Variants in SRGAP3 observed in about 807,000 individuals in gnomAD.
SRGAP3 encodes the protein SLIT-ROBO Rho GTPase-activating protein 3.
SRGAP3 carries 39 observed loss-of-function variants against 121.1 expected under a neutral mutation model. That is an observed-to-expected ratio of 0.32 (90% CI 0.25 to 0.42). The LOEUF (loss-of-function observed/expected upper bound fraction) is 0.42, where lower values mean the gene tolerates loss of function less well. Ranked by LOEUF, SRGAP3 falls within the 10% of genes least tolerant of loss-of-function variation. The pLI, the probability that SRGAP3 is intolerant of heterozygous loss-of-function variation, is 1.00. For missense variants in SRGAP3, 1,213 were observed against 1,470.6 expected (o/e 0.82, Z 2.86); for synonymous variants, 601 against 570.0 (o/e 1.05, Z -0.77).
chr3:9,147,263 T>C (rs565846153), intron 1 of SRGAP3, among the ~76,000 whole-genome samples: 1 of 152,164 alleles, frequency 6.6e-6, no homozygotes, highest in Non-Finnish European at 1.5e-5. Flanking sequence ...TGATTTCTTC[T>C]ACTGTAGAGG....
rs149061770 is a variant in SRGAP3 at position 9,011,095 on chromosome 3, GT to G, written c.2148-709del. Among the ~76,000 whole-genome samples, 1,133 of 152,214 alleles carry G rather than the reference GT, an allele frequency of 7.4e-3. 3 individuals are homozygous for G. The highest frequency in any genetic ancestry group is 0.026 in the African/African-American group (1,076 of 41,512). ...TTCTAATATGCCAGGCAGTGTGCTG[GT>G]AGGAGGGATGCAATGATAGATAAGG... On this transcript the variant is annotated intron_variant, in intron 17 of 21. Coordinates refer to ENST00000383836, the MANE Select transcript of SRGAP3 (RefSeq NM_014850.4).
At chr3:9,014,474 C>T (rs1943534362) in intron 15 of SRGAP3, among the ~76,000 whole-genome samples, 1 of 152,202 alleles carries the variant, frequency 6.6e-6, no homozygotes, top group Admixed American at 6.5e-5. Flanking sequence ...CAAAGTCTGG[C>T]AGATGCTTGG....
At chr3:9,156,777 G>A (rs927791435) in intron 1 of SRGAP3, among the ~76,000 whole-genome samples, 1 of 152,156 alleles carries the variant, frequency 6.6e-6, no homozygotes, top group Non-Finnish European at 1.5e-5. Context: ...ATCTAGTAAC[G>A]TATTTCCCAA....
intron 4 of SRGAP3, among the ~76,000 whole-genome samples, chr3:9,074,459 C>A (rs534075628): frequency 6.6e-6 from 1 of 152,350 alleles, no homozygotes; most frequent in East Asian, 1.9e-4. Flanking sequence ...GCTCTTCCAG[C>A]ACGCAGGGCT....
chr3:9,174,313 C>T lies in SRGAP3; in HGVS notation c.68-49396G>A, dbSNP rs755144960. Among the ~76,000 whole-genome samples, 9 of 152,048 alleles carry T rather than the reference C, an allele frequency of 5.9e-5. No homozygotes were observed. The South Asian group carries it at 6.2e-4, about 11-fold the overall frequency. On this transcript the variant is annotated intron_variant, in intron 1 of 21. Coordinates refer to ENST00000383836, the MANE Select transcript of SRGAP3 (RefSeq NM_014850.4). ...ATATATCTAATGCCACTGAACTGTA[C>T]GTTGTAAAATGGTTAAGATGGTACA...
chr3:9,215,973 C>A (rs1024891717), intron 1 of SRGAP3, among the ~76,000 whole-genome samples: 1 of 152,266 alleles, frequency 6.6e-6, no homozygotes, highest in South Asian at 2.1e-4. Context: ...GAGCCAATCC[C>A]CCTAATAACT....
intron 3 of SRGAP3, among the ~76,000 whole-genome samples, chr3:9,262,366 C>T (rs1024436714): frequency 1.3e-5 from 2 of 151,820 alleles, no homozygotes; most frequent in African/African-American, 4.8e-5. Context: ...ACAATATTAA[C>T]TTTAAATGTA....
chr3:9,274,092 G>A (rs1954528668), intron 3 of SRGAP3, among the ~76,000 whole-genome samples: 1 of 152,160 alleles, frequency 6.6e-6, no homozygotes, highest in Admixed American at 6.6e-5. Flanking sequence ...TGAGAGCAGA[G>A]ACCATGTCCT....
At chr3:9,170,834 C>A (rs1430794044) in intron 1 of SRGAP3, among the ~76,000 whole-genome samples, 1 of 152,210 alleles carries the variant, frequency 6.6e-6, no homozygotes, top group Non-Finnish European at 1.5e-5. Context: ...CTCCCCCAAG[C>A]CCTTCACTTG....
chr3:9,179,054 A>G, intron 1 of SRGAP3, among the ~76,000 whole-genome samples: 1 of 152,078 alleles, frequency 6.6e-6, no homozygotes, highest in East Asian at 1.9e-4. Context: ...GATCCTGCCC[A>G]TCGAACAAGA....
chr3:9,139,415 A>C (rs551074548), intron 1 of SRGAP3, among the ~76,000 whole-genome samples: 1 of 152,320 alleles, frequency 6.6e-6, no homozygotes, highest in South Asian at 2.1e-4. Context: ...AGAGAGGGGA[A>C]AAAAAAGAAG....
chr3:9,045,971 T>C (rs624528), intron 10 of SRGAP3, among the ~76,000 whole-genome samples: 66,368 of 151,752 alleles, frequency 0.44, 16,169 homozygotes, highest in African/African-American at 0.65. Flanking sequence ...TTCTCCTCCA[T>C]TCTCACTGTT....
intron 1 of SRGAP3, among the ~76,000 whole-genome samples, chr3:9,221,960 G>A (rs1010815151): frequency 3.9e-5 from 6 of 152,178 alleles, no homozygotes; most frequent in African/African-American, 4.8e-5. Context: ...CCTGCTCAGC[G>A]CCTGGCCAGG....
chr3:8,994,634 T>G, intron 18 of SRGAP3, 111 bp from the exon 19 acceptor site: 1 of 1,406,954 alleles, frequency 7.1e-7, no homozygotes, highest in Non-Finnish European at 9.9e-7. Flanking sequence ...GCACAGCTGG[T>G]GAGAACATGG....
chr3:9,184,616 T>C (rs1459596587), intron 1 of SRGAP3, among the ~76,000 whole-genome samples: 1 of 152,186 alleles, frequency 6.6e-6, no homozygotes, highest in Non-Finnish European at 1.5e-5. Context: ...CTTCAAGGTA[T>C]TTATAGCCTA....
intron 3 of SRGAP3, among the ~76,000 whole-genome samples, chr3:9,261,408 A>G (rs573672174): frequency 6.6e-6 from 1 of 152,218 alleles, no homozygotes; most frequent in East Asian, 1.9e-4. Flanking sequence ...CCTCTGAGCT[A>G]AAGAAGCATG....
At chr3:9,326,109 T>C (rs1292467457) in exon 3 of SRGAP3, 1 of 151,944 alleles carries the variant, frequency 6.6e-6, no homozygotes, top group African/African-American at 2.4e-5. Context: ...AGTTTTGCTG[T>C]GGTGTGGATG....
intron 1 of SRGAP3, among the ~76,000 whole-genome samples, chr3:9,131,743 TA>T (rs1949456076): frequency 6.6e-6 from 1 of 152,026 alleles, no homozygotes; most frequent in African/African-American, 2.4e-5. Flanking sequence ...CACCCGGCCG[TA>T]AGAACTAATT....
chr3:9,047,034 G>A (rs990387176), intron 10 of SRGAP3, among the ~76,000 whole-genome samples: 23 of 151,962 alleles, frequency 1.5e-4, no homozygotes, highest in African/African-American at 4.8e-4. Flanking sequence ...GGGTTTCACC[G>A]TATTAGCCAG....
Sources: gnomAD v4.1 joint callset for allele counts (sites outside exome capture counted in the v4.1 genomes callset) on GRCh38, gnomAD v4.1.1 for gene constraint, MANE v1.5 for transcripts, NCBI Gene and HGNC (gene_info 2026-07-23, HGNC 2026-07-21) for gene names.